Variants in RCN1 observed in about 807,000 individuals in gnomAD.
The protein encoded by RCN1 is reticulocalbin 1.
RCN1 carries 14 observed loss-of-function variants against 34.7 expected under a neutral mutation model. The ratio of observed to expected loss-of-function variants is 0.40; its 90% CI spans 0.27 to 0.63. The LOEUF (loss-of-function observed/expected upper bound fraction) is 0.63, where lower values mean the gene tolerates loss of function less well. Among genes scored for constraint, RCN1 ranks in the 30% least tolerant of loss-of-function variants. The probability of loss-of-function intolerance (pLI) is 0.37; values close to 1 mark genes in which losing one functional copy is unlikely to be tolerated. For missense variants in RCN1, 326 were observed against 425.1 expected, an observed-to-expected ratio of 0.77 and a Z score of 2.05; for synonymous variants, 125 against 165.5, an observed-to-expected ratio of 0.76 and a Z score of 1.88.
intron 3 of RCN1, among the ~76,000 whole-genome samples, chr11:32,100,230 G>A (rs946727998): frequency 1.3e-5 from 2 of 152,324 alleles, no homozygotes; most frequent in South Asian, 4.1e-4. Flanking sequence ...ATGTTCCCCA[G>A]TGGGTGTTTT....
chr11:32,100,644 G>A, intron 4 of RCN1, 36 bp downstream of exon 4: 1 of 1,569,690 alleles, frequency 6.4e-7, no homozygotes, highest in South Asian at 1.1e-5. Context: ...CAGCTGTCCT[G>A]ACTGGGCCAC....
chr11:32,104,262 T>A (rs1317771456), intron 5 of RCN1, 103 bp from the exon 6 acceptor site: 1 of 696,646 alleles, frequency 1.4e-6, no homozygotes. Flanking sequence ...TTACTAAATA[T>A]AGTATTTTAA....
intron 1 of RCN1, among the ~76,000 whole-genome samples, chr11:32,092,912 G>T (rs1366290069): frequency 6.6e-6 from 1 of 152,216 alleles, no homozygotes; most frequent in African/African-American, 2.4e-5. Flanking sequence ...TGCACCATTT[G>T]CCTGCTCTGA....
chr11:32,097,082 T>G (rs1851978811), intron 1 of RCN1, 62 bp from the exon 2 acceptor site: 2 of 1,356,344 alleles, frequency 1.5e-6, no homozygotes, highest in Non-Finnish European at 1.9e-6. Flanking sequence ...CACACAAGCC[T>G]TGATAATATA....
chr11:32,096,788 G>C (rs553912526), intron 1 of RCN1: 1 of 194,514 alleles, frequency 5.1e-6, no homozygotes, highest in East Asian at 1.2e-4. Context: ...GACTACAGCA[G>C]GGAAGATTAA....
In RCN1 at chr11:32,097,213, C is replaced by G. The variant is rs778346846; in HGVS notation, c.324C>G (p.Ile108Met). Residue 108 changes from isoleucine (I) to methionine (M), a missense_variant, in exon 2 of 6, where the codon ATC becomes ATG. Transcript: ENST00000054950. Reference sequence around the variant, plus strand: ...CTACTGAGGAGCTGAAAACCTGGATCAAACGGGTGCAGAAAAGATACATCT... The same window carrying G: ...CTACTGAGGAGCTGAAAACCTGGATGAAACGGGTGCAGAAAAGATACATCT... ...FVTTEELKTW[I>M]KRVQKRYIFD... The G allele has an allele frequency of 6.2e-6, 10 of 1,605,446 alleles. No homozygotes were observed. The African/African-American group carries it at 6.7e-5, about 11-fold the overall frequency.
intron 4 of RCN1, among the ~76,000 whole-genome samples, chr11:32,101,262 C>T (rs1852037502): frequency 9.3e-6 from 1 of 107,962 alleles, no homozygotes; most frequent in South Asian, 3.3e-4. Flanking sequence ...CAACCCCCCG[C>T]TAGAAAGGAC....
At chr11:32,099,058 G>A (rs541441658) in intron 3 of RCN1, among the ~76,000 whole-genome samples, 95 of 152,256 alleles carry the variant, frequency 6.2e-4, no homozygotes, top group African/African-American at 2.0e-3. Flanking sequence ...AGTGGCTCAC[G>A]CCTGTAATCC....
In RCN1 at chr11:32,091,279, G is replaced by C. The variant is rs530769533; in HGVS notation, c.83G>C (p.Arg28Pro). The C allele has an allele frequency of 6.5e-7, 1 of 1,540,116 alleles. No homozygotes were observed. The highest frequency in any genetic ancestry group is 2.0e-5 in the Admixed American group (1 of 50,466). Reference sequence around the variant, plus strand: ...CTGGTGCTGGCGCCGCGGGTTCTGCGGGCCAAGCCCACGGTGCGCAAAGAG... The same window carrying C: ...CTGGTGCTGGCGCCGCGGGTTCTGCCGGCCAAGCCCACGGTGCGCAAAGAG... ...LALVLAPRVLRAKPTVRKERV... is the reference protein window; with the variant it reads ...LALVLAPRVLPAKPTVRKERV... The change falls in exon 1 of 6, where the codon CGG becomes CCG. Residue 28 changes from arginine to proline, a missense_variant. Coordinates refer to ENST00000054950, the MANE Select transcript of RCN1 (RefSeq NM_002901.4).
chr11:32,092,158 T>C (rs1445802872), intron 1 of RCN1, among the ~76,000 whole-genome samples: 1 of 151,486 alleles, frequency 6.6e-6, no homozygotes, highest in East Asian at 1.9e-4. Context: ...AATACAAAAA[T>C]TAGCCGGGCG....
chr11:32,103,683 A>G (rs1399819953), intron 5 of RCN1, among the ~76,000 whole-genome samples: 1 of 152,220 alleles, frequency 6.6e-6, no homozygotes, highest in East Asian at 1.9e-4. Flanking sequence ...ACTTTCCTGG[A>G]AAGTCAGCTG....
intron 4 of RCN1, chr11:32,102,010 G>A (rs774648546): frequency 5.3e-5 from 8 of 152,176 alleles, no homozygotes; most frequent in Non-Finnish European, 8.8e-5. Context: ...ACAGTGAATA[G>A]GGAGAGGGAG....
At chr11:32,091,694 G>T (rs1428452824) in intron 1 of RCN1, 2 of 510,556 alleles carry the variant, frequency 3.9e-6, no homozygotes, top group African/African-American at 2.1e-5. Flanking sequence ...AGGCGAGAAC[G>T]TGGCAGCGGC....
At chr11:32,097,017 A>T in intron 1 of RCN1, 127 bp from the exon 2 acceptor site, 2 of 673,544 alleles carry the variant, frequency 3.0e-6, no homozygotes, top group Non-Finnish European at 4.7e-6. Flanking sequence ...ATTCTGTTGT[A>T]GTTGTATGTG....
intron 1 of RCN1, 28 bp downstream of exon 1, chr11:32,091,478 G>C (rs765161590): frequency 1.3e-6 from 2 of 1,535,854 alleles, no homozygotes; most frequent in South Asian, 2.4e-5. Context: ...GCCCCGTGGG[G>C]GGCGGCGCAG....
At chr11:32,092,465 A>G (rs557379651) in intron 1 of RCN1, among the ~76,000 whole-genome samples, 57 of 152,162 alleles carry the variant, frequency 3.7e-4, no homozygotes, top group African/African-American at 1.4e-3. Flanking sequence ...AGAAGCACTC[A>G]GTTCTTTGGC....
chr11:32,104,496 G>A lies in RCN1; in HGVS notation c.*24G>A, dbSNP rs375699882. On this transcript the variant is annotated 3_prime_UTR_variant, in exon 6 of 6. Transcript: ENST00000054950. ...GATAGACACTCACCAGAATATGGCAGACTGTCATAGGCATTCTGTTATTGT... is the reference window on the plus strand; with the variant it reads ...GATAGACACTCACCAGAATATGGCAAACTGTCATAGGCATTCTGTTATTGT... The A allele has an allele frequency of 5.4e-4, 602 of 1,116,172 alleles. 1 individual carries two copies. Among genetic ancestry groups the A allele is most frequent in the Non-Finnish European group, 7.8e-4 (569 of 732,062 alleles). 69.1% of individuals were successfully genotyped at this position (1,116,172 alleles called of 1,614,324 possible). A position where few individuals can be genotyped will look rare whatever the true frequency, so the allele number is the denominator to read the frequency against.
chr11:32,103,225 G>C (rs1001792618), intron 4 of RCN1, 56 bp from the exon 5 acceptor site: 6 of 1,490,298 alleles, frequency 4.0e-6, no homozygotes, highest in African/African-American at 2.8e-5. Context: ...TTATGGGGGT[G>C]GGGGAGGTTT....
At chr11:32,100,315 TCTTG>T (rs3830870) in intron 3 of RCN1, among the ~76,000 whole-genome samples, 21,473 of 152,114 alleles carry the variant, frequency 0.14, 1,593 homozygotes, top group East Asian at 0.28. Flanking sequence ...TACAGGTACA[TCTTG>T]CTTGCTTTGA....
Sources: allele counts gnomAD v4.1 joint callset (sites outside exome capture counted in the v4.1 genomes callset), GRCh38; gene constraint gnomAD v4.1.1; transcripts MANE v1.5; gene names NCBI Gene and HGNC (gene_info 2026-07-23, HGNC 2026-07-21).